Variants in CRADD observed in about 807,000 individuals in gnomAD.
CRADD encodes death domain-containing protein CRADD.
A neutral mutation model predicts 15.5 loss-of-function variants in CRADD; 9 were observed. That is an observed-to-expected ratio of 0.58 (90% CI 0.35 to 1.01). CRADD has a LOEUF of 1.01. Ranked by LOEUF, CRADD falls within the 50% of genes least tolerant of loss-of-function variation. The pLI is 0.02. For missense variants in CRADD, 227 were observed against 250.3 expected, an observed-to-expected ratio of 0.91 and a Z score of 0.63; for synonymous variants, 118 against 107.6, an observed-to-expected ratio of 1.10 and a Z score of -0.60.
intron 2 of CRADD, among the ~76,000 whole-genome samples, chr12:93,818,410 A>G (rs547621608): frequency 2.0e-5 from 3 of 152,218 alleles, no homozygotes; most frequent in South Asian, 4.1e-4. Context: ...CTTAGGACCA[A>G]TGTCTTCTGT....
chr12:93,803,488 A>G (rs116733559), intron 2 of CRADD, among the ~76,000 whole-genome samples: 261 of 152,312 alleles, frequency 1.7e-3, no homozygotes, highest in African/African-American at 5.9e-3. Context: ...GCCATCTTAA[A>G]TACAGTTTCT....
At chr12:93,864,607 A>T (rs760528918) in intron 2 of CRADD, among the ~76,000 whole-genome samples, 4 of 152,162 alleles carry the variant, frequency 2.6e-5, no homozygotes, top group Non-Finnish European at 5.9e-5. Context: ...GTCACTTGGC[A>T]TTTGCCTCCT....
intron 2 of CRADD, among the ~76,000 whole-genome samples, chr12:93,794,343 T>C (rs2136988928): frequency 6.6e-6 from 1 of 152,246 alleles, no homozygotes; most frequent in South Asian, 2.1e-4. Flanking sequence ...TCAAATTTAA[T>C]GTATCCAAAT....
chr12:93,746,557 CTT>C (rs1956754315), intron 2 of CRADD, among the ~76,000 whole-genome samples: 1 of 152,104 alleles, frequency 6.6e-6, no homozygotes, highest in South Asian at 2.1e-4. Context: ...TTATTGCATA[CTT>C]TTATACAGTT....
chr12:93,759,893 C>T (rs894775301), intron 2 of CRADD, among the ~76,000 whole-genome samples: 7 of 152,202 alleles, frequency 4.6e-5, no homozygotes, highest in African/African-American at 1.7e-4. Flanking sequence ...TGGGAGTCTA[C>T]TCTTTTCAAA....
At chr12:93,887,249 G>A (rs147706314) in intron 2 of CRADD, among the ~76,000 whole-genome samples, 610 of 152,292 alleles carry the variant, frequency 4.0e-3, no homozygotes, top group Non-Finnish European at 6.3e-3. Flanking sequence ...AGATCAAAAC[G>A]ATGATTAAAA....
intron 2 of CRADD, chr12:93,849,310 G>GA (rs1011086093): frequency 6.6e-6 from 1 of 152,226 alleles, no homozygotes; most frequent in African/African-American, 2.4e-5. Context: ...GGATAGAAGT[G>GA]AAAAAAGCCT....
chr12:93,790,976 C>A (rs1427755713), intron 2 of CRADD, among the ~76,000 whole-genome samples: 1 of 151,102 alleles, frequency 6.6e-6, no homozygotes, highest in Non-Finnish European at 1.5e-5. Context: ...TCACTCCCCA[C>A]CCCCCGACTT....
At chr12:93,706,089 C>T (rs1194811070) in intron 2 of CRADD, among the ~76,000 whole-genome samples, 1 of 152,144 alleles carries the variant, frequency 6.6e-6, no homozygotes, top group African/African-American at 2.4e-5. Context: ...GCCAATGAGA[C>T]AAGTGTTGAC....
intron 2 of CRADD, among the ~76,000 whole-genome samples, chr12:93,893,767 G>A (rs774667408): frequency 4.8e-4 from 73 of 152,162 alleles, no homozygotes; most frequent in African/African-American, 8.9e-4. Flanking sequence ...TTAGCCAGGC[G>A]CGGTAGCATG....
intron 2 of CRADD, among the ~76,000 whole-genome samples, chr12:93,817,768 C>T (rs780872815): frequency 8.5e-5 from 13 of 152,164 alleles, no homozygotes; most frequent in Non-Finnish European, 1.6e-4. Flanking sequence ...CTTCAGGAAG[C>T]TCAGGCTGGG....
chr12:93,852,635 A>G (rs1958237315), downstream of CRADD, among the ~76,000 whole-genome samples: 1 of 152,242 alleles, frequency 6.6e-6, no homozygotes, highest in African/African-American at 2.4e-5. Flanking sequence ...GCTACATAGC[A>G]GCTGCCTACC....
At chr12:93,793,671 A>G (rs1957377228) in intron 2 of CRADD, among the ~76,000 whole-genome samples, 1 of 152,210 alleles carries the variant, frequency 6.6e-6, no homozygotes, top group Non-Finnish European at 1.5e-5. Flanking sequence ...CTTCAAAATA[A>G]TCCTGTGGGT....
chr12:93,683,126 A>G (rs1351598727), intron 2 of CRADD, among the ~76,000 whole-genome samples: 1 of 152,144 alleles, frequency 6.6e-6, no homozygotes, highest in Non-Finnish European at 1.5e-5. Context: ...GCCTGTCGGC[A>G]CTGACAGGCT....
chr12:93,741,699 A>G, intron 2 of CRADD, among the ~76,000 whole-genome samples: 1 of 152,228 alleles, frequency 6.6e-6, no homozygotes, highest in Non-Finnish European at 1.5e-5. Context: ...GGTGGAGGTT[A>G]GACGATGGGC....
intron 1 of CRADD, among the ~76,000 whole-genome samples, chr12:93,678,302 T>C (rs1186347197): frequency 2.0e-5 from 3 of 152,156 alleles, no homozygotes; most frequent in Non-Finnish European, 4.4e-5. Context: ...ATACTTGTGA[T>C]CAAAAAAAGG....
chr12:93,837,639 A>G (rs184605096), intron 2 of CRADD: 120 of 152,342 alleles, frequency 7.9e-4, no homozygotes, highest in African/African-American at 2.8e-3. Context: ...GGTTGTTTCT[A>G]TCTTAGAAAA....
chr12:93,844,947 G>C (rs968379771), intron 2 of CRADD, among the ~76,000 whole-genome samples: 1 of 152,130 alleles, frequency 6.6e-6, no homozygotes, highest in African/African-American at 2.4e-5. Context: ...AGCTGGTTGA[G>C]GAGGTGAGTG....
intron 2 of CRADD, among the ~76,000 whole-genome samples, chr12:93,731,768 T>G (rs538547134): frequency 4.6e-5 from 7 of 152,352 alleles, no homozygotes; most frequent in African/African-American, 1.7e-4. Flanking sequence ...TAGAAAAGAA[T>G]TATTTCTGAT....
Sources: gnomAD v4.1 joint callset for allele counts (sites outside exome capture counted in the v4.1 genomes callset) on GRCh38, gnomAD v4.1.1 for gene constraint, MANE v1.5 for transcripts, NCBI Gene and HGNC (gene_info 2026-07-23, HGNC 2026-07-21) for gene names.